DUS2: variants seen among roughly 807,000 people sequenced by gnomAD.
DUS2 encodes the protein tRNA-dihydrouridine(20) synthase [NAD(P)+]-like.
DUS2 carries 52 observed loss-of-function variants against 71.3 expected under a neutral mutation model. The observed-to-expected ratio is 0.73, with a 90% confidence interval of 0.58 to 0.92. The LOEUF (loss-of-function observed/expected upper bound fraction) is 0.92. Ranked by LOEUF, DUS2 falls within the 40% of genes least tolerant of loss-of-function variation. The pLI is 0.00. For synonymous variants in DUS2, 204 were observed against 227.8 expected (o/e 0.90, Z 0.94); for missense variants, 558 against 622.6 (o/e 0.90, Z 1.10).
At chr16:68,050,355 C>T (rs1291482108) in intron 4 of DUS2, among the ~76,000 whole-genome samples, 3 of 152,166 alleles carry the variant, frequency 2.0e-5, no homozygotes, top group African/African-American at 7.2e-5. Flanking sequence ...CCAGTCTGGT[C>T]TTGAACTCTT....
chr16:68,058,452 G>A (rs751134929), intron 7 of DUS2, among the ~76,000 whole-genome samples: 3 of 151,838 alleles, frequency 2.0e-5, no homozygotes, highest in African/African-American at 4.8e-5. Context: ...GGTCTTGAAC[G>A]CCTGACCTCG....
intron 4 of DUS2, 72 bp downstream of exon 4, chr16:68,049,622 C>T: frequency 1.4e-6 from 2 of 1,419,556 alleles, no homozygotes; most frequent in Non-Finnish European, 2.0e-6. Context: ...ACTGCCCTTG[C>T]CTGGGGTGAC....
At chr16:68,077,867 C>T (rs73604389) in intron 15 of DUS2, 1,984 of 158,716 alleles carry the variant, frequency 0.013, 42 homozygotes, top group African/African-American at 0.045. Flanking sequence ...AAGGCTTATA[C>T]CTTCTGGGGG....
Position 68,070,331 on chromosome 16 carries a change from G to A in DUS2, c.641+111G>A, listed in dbSNP as rs1276284993. 5 of 980,508 alleles carry A rather than the reference G, an allele frequency of 5.1e-6. No individual in the cohort carries two copies. The South Asian group carries it at 6.8e-5, about 13-fold the overall frequency. The allele number at this position is 980,508 out of a possible 1,614,324, so 60.7% of individuals were successfully genotyped here. A position where few individuals can be genotyped will look rare whatever the true frequency, so the allele number is the denominator to read the frequency against. On this transcript the variant is annotated intron_variant, in intron 11 of 16. Coordinates refer to ENST00000565263, the MANE Select transcript of DUS2 (RefSeq NM_017803.5). The stretch of plus-strand genomic sequence containing the variant: ...AAAGTTTTAGGGGTGGCTTGAAAAG[G>A]GCAGGGCTTTCCACAAGACCCCAGA...
At chr16:68,032,408 G>A (rs538642244) in intron 2 of DUS2, among the ~76,000 whole-genome samples, 1 of 152,328 alleles carries the variant, frequency 6.6e-6, no homozygotes, top group South Asian at 2.1e-4. Flanking sequence ...TCTCCAGGAG[G>A]AGCTGAGGAT....
At chr16:68,059,481 CA>C (rs2033908945) in intron 7 of DUS2, among the ~76,000 whole-genome samples, 1 of 152,112 alleles carries the variant, frequency 6.6e-6, no homozygotes, top group Admixed American at 6.6e-5. Flanking sequence ...CAGATGGAGC[CA>C]GGGGGAGTGC....
At chr16:68,072,059 C>G (rs528567740) in intron 12 of DUS2, among the ~76,000 whole-genome samples, 2 of 152,218 alleles carry the variant, frequency 1.3e-5, no homozygotes, top group Non-Finnish European at 2.9e-5. Flanking sequence ...TGGGTCTGAA[C>G]AGAGGGTGCA....
At chr16:68,061,154 G>A in intron 8 of DUS2, 41 bp downstream of exon 8, 2 of 1,597,906 alleles carry the variant, frequency 1.3e-6, no homozygotes, top group Non-Finnish European at 1.7e-6. Context: ...CTCAAACACA[G>A]CTCCAAACTA....
Position 68,066,553 on chromosome 16 carries a change from T to G in DUS2, c.484-13T>G. The G allele has an allele frequency of 1.9e-6, 3 of 1,613,908 alleles. No homozygotes were observed. The highest frequency in any genetic ancestry group is 2.5e-6 in the Non-Finnish European group (3 of 1,179,788). On this transcript the variant is annotated splice_polypyrimidine_tract_variant and intron_variant, in intron 9 of 16. Transcript: ENST00000565263. ...GAGCTTCAGTAACCATCCTGTGTGG[T>G]CCTCCTCCTCAGCTAGAAGATACCC...
intron 2 of DUS2, among the ~76,000 whole-genome samples, chr16:68,034,104 C>CA (rs2033481392): frequency 6.6e-6 from 1 of 152,038 alleles, no homozygotes; most frequent in Non-Finnish European, 1.5e-5. Context: ...GTCTCACTGT[C>CA]ACCCAGGCTG....
chr16:68,073,253 G>C (rs1213226224), intron 12 of DUS2, among the ~76,000 whole-genome samples: 1 of 152,158 alleles, frequency 6.6e-6, no homozygotes, highest in Admixed American at 6.5e-5. Context: ...CAAGGTCGAA[G>C]TGGCTTTTTA....
chr16:68,043,691 G>T (rs1200598460), intron 3 of DUS2, among the ~76,000 whole-genome samples: 1 of 151,930 alleles, frequency 6.6e-6, no homozygotes, highest in African/African-American at 2.4e-5. Flanking sequence ...TTGAGATGGA[G>T]TCTTGCTCTG....
intron 3 of DUS2, among the ~76,000 whole-genome samples, chr16:68,043,061 C>T (rs1377887542): frequency 6.6e-6 from 1 of 152,112 alleles, no homozygotes; most frequent in Non-Finnish European, 1.5e-5. Flanking sequence ...CTATGTTGCC[C>T]ATGCTGGTCC....
Position 68,074,706 on chromosome 16 carries a change from C to G in DUS2, c.932+551C>G, listed in dbSNP as rs12599406. 9.4e-4 allele frequency among the ~76,000 whole-genome samples: 143 copies of G among 152,382 alleles called. 1 individual carries two copies. In the East Asian group the frequency reaches 0.025, roughly 27 times the overall value. On this transcript the variant is annotated intron_variant, in intron 13 of 16. Coordinates refer to ENST00000565263, the MANE Select transcript of DUS2 (RefSeq NM_017803.5). Reference sequence around the variant, plus strand: ...TCTGCCTGGAAGGCTCTCTCCCTCTCACGTGAGCTATCTGTAGCCTCCCTC... The same window carrying G: ...TCTGCCTGGAAGGCTCTCTCCCTCTGACGTGAGCTATCTGTAGCCTCCCTC...
intron 10 of DUS2, among the ~76,000 whole-genome samples, chr16:68,069,164 G>A (rs2034050432): frequency 6.6e-6 from 1 of 151,994 alleles, no homozygotes; most frequent in African/African-American, 2.4e-5. Flanking sequence ...CGAGGCGGGT[G>A]GATCACATGA....
intron 8 of DUS2, among the ~76,000 whole-genome samples, chr16:68,061,428 A>C (rs2033939107): frequency 6.6e-6 from 1 of 152,166 alleles, no homozygotes; most frequent in African/African-American, 2.4e-5. Flanking sequence ...GAAGGTCTTG[A>C]GAGCAGAGGC....
intron 4 of DUS2, among the ~76,000 whole-genome samples, chr16:68,050,111 G>C (rs2033757645): frequency 6.6e-6 from 1 of 151,890 alleles, no homozygotes; most frequent in African/African-American, 2.4e-5. Flanking sequence ...TATTCCTTGA[G>C]TTTTCTGATA....
At chr16:68,051,965 C>T (rs1178039207) in intron 4 of DUS2, among the ~76,000 whole-genome samples, 1 of 152,090 alleles carries the variant, frequency 6.6e-6, no homozygotes, top group African/African-American at 2.4e-5. Context: ...GTGGCGTGAT[C>T]TTGGCTCACT....
At chr16:68,072,743 G>C (rs558161585) in intron 12 of DUS2, among the ~76,000 whole-genome samples, 1 of 152,178 alleles carries the variant, frequency 6.6e-6, no homozygotes, top group African/African-American at 2.4e-5. Flanking sequence ...GCTGGGGAAG[G>C]CCACCTTCAC....
Sources: allele counts gnomAD v4.1 joint callset (sites outside exome capture counted in the v4.1 genomes callset), GRCh38; gene constraint gnomAD v4.1.1; transcripts MANE v1.5; gene names NCBI Gene and HGNC (gene_info 2026-07-23, HGNC 2026-07-21).